KIF26B: variants seen among roughly 807,000 people sequenced by gnomAD.
The protein encoded by KIF26B is kinesin-like protein KIF26B.
Under a neutral mutation model 151.2 loss-of-function variants are expected in KIF26B, and 63 were observed. The ratio of observed to expected loss-of-function variants is 0.42; its 90% CI spans 0.34 to 0.51. The LOEUF (loss-of-function observed/expected upper bound fraction) is 0.51, where lower values mean the gene tolerates loss of function less well. Among genes scored for constraint, KIF26B ranks in the 20% least tolerant of loss-of-function variants. KIF26B has a pLI of 0.07. For missense variants in KIF26B, 2,813 were observed against 2,913.6 expected, an observed-to-expected ratio of 0.97 and a Z score of 0.79; for synonymous variants, 1,357 against 1,262.1, an observed-to-expected ratio of 1.08 and a Z score of -1.59.
intron 9 of KIF26B, among the ~76,000 whole-genome samples, chr1:245,644,948 A>C (rs985779978): frequency 2.6e-5 from 4 of 152,196 alleles, no homozygotes; most frequent in African/African-American, 9.6e-5. Context: ...GGACTCAGGA[A>C]GCTTACGATG....
chr1:245,208,541 G>A (rs1006759318), intron 2 of KIF26B, among the ~76,000 whole-genome samples: 8 of 152,202 alleles, frequency 5.3e-5, no homozygotes, highest in Non-Finnish European at 7.3e-5. Context: ...TGGCACAGCC[G>A]TGGGTACGTG....
At chr1:245,460,513 G>C (rs1229589866) in intron 4 of KIF26B, among the ~76,000 whole-genome samples, 1 of 152,110 alleles carries the variant, frequency 6.6e-6, no homozygotes, top group Non-Finnish European at 1.5e-5. Context: ...AGACCATATA[G>C]TTTAAAATAT....
chr1:245,271,129 A>G (rs541782674), intron 2 of KIF26B, among the ~76,000 whole-genome samples: 120 of 152,164 alleles, frequency 7.9e-4, no homozygotes, highest in Admixed American at 1.2e-3. Flanking sequence ...CTTTATGCCA[A>G]TGTCATACTG....
chr1:245,558,324 C>T (rs757214722), intron 5 of KIF26B, among the ~76,000 whole-genome samples: 3 of 152,194 alleles, frequency 2.0e-5, no homozygotes, highest in Admixed American at 6.5e-5. Context: ...CTGCTTCTCT[C>T]GCCTGCCCCC....
At chr1:245,270,192 T>C (rs1670827265) in intron 2 of KIF26B, among the ~76,000 whole-genome samples, 1 of 80,016 alleles carries the variant, frequency 1.2e-5, no homozygotes, top group African/African-American at 5.5e-5. Flanking sequence ...CCATTCCTTC[T>C]TCTTTTCCCT....
chr1:245,257,243 T>A (rs1203271724), intron 2 of KIF26B, among the ~76,000 whole-genome samples: 1 of 152,136 alleles, frequency 6.6e-6, no homozygotes, highest in Non-Finnish European at 1.5e-5. Context: ...GCAATGTACA[T>A]CTTACATGTA....
rs977434271 is a variant in KIF26B, at chr1:245,560,220, C to G, written c.1350+19270C>G. Among the ~76,000 whole-genome samples, 3 of 152,104 alleles carry G rather than the reference C, an allele frequency of 2.0e-5. No individual in the cohort carries two copies. The highest frequency in any genetic ancestry group is 4.4e-5 in the Non-Finnish European group (3 of 68,012). On this transcript the variant is annotated intron_variant, in intron 5 of 14. Transcript: ENST00000407071. The surrounding 1 kb of genome is among the most constrained non-coding windows in gnomAD (Gnocchi z 4.3). ...TTATTCATGTGGATACATAGATGCT[C>G]ATTCGCTTCAATTCATTGAACATCT...
At chr1:245,556,240 T>G (rs1231654026) in intron 5 of KIF26B, among the ~76,000 whole-genome samples, 1 of 149,730 alleles carries the variant, frequency 6.7e-6, no homozygotes, top group Admixed American at 6.7e-5. Context: ...TTCTTCTTCT[T>G]CCTCCTTCTT....
In KIF26B at chr1:245,602,873, C is replaced by A; in HGVS notation, c.1557+90C>A. The stretch of plus-strand genomic sequence containing the variant: ...AAGGGCCCTTGAGCTGGGAGGGTGT[C>A]TTCTGGAGCATTCTGATGGACCAGT... On this transcript the variant is annotated intron_variant, in intron 6 of 14. Transcript: ENST00000407071. The surrounding 1 kb of genome is among the most constrained non-coding windows in gnomAD (Gnocchi z 4.5). 8 of 1,183,948 alleles carry A rather than the reference C, an allele frequency of 6.8e-6. No individual in the cohort carries two copies. Among genetic ancestry groups the A allele is most frequent in the Non-Finnish European group, 1.0e-5 (8 of 798,142 alleles). The allele number at this position is 1,183,948 out of a possible 1,614,324, so 73.3% of individuals were successfully genotyped here.
At chr1:245,301,547 C>T (rs543442497) in intron 2 of KIF26B, among the ~76,000 whole-genome samples, 1 of 152,242 alleles carries the variant, frequency 6.6e-6, no homozygotes, top group Admixed American at 6.5e-5. Context: ...GGGTTGGACC[C>T]AGTAGGATTC....
intron 2 of KIF26B, among the ~76,000 whole-genome samples, chr1:245,350,582 A>G (rs1384433810): frequency 1.3e-5 from 2 of 149,208 alleles, no homozygotes; most frequent in Non-Finnish European, 2.9e-5. Context: ...GGTCTACCAT[A>G]TGACCTGGGA....
intron 4 of KIF26B, among the ~76,000 whole-genome samples, chr1:245,429,448 T>G (rs546040003): frequency 1.3e-5 from 2 of 152,160 alleles, no homozygotes; most frequent in Non-Finnish European, 2.9e-5. Context: ...TGAAGAGCAA[T>G]TCGCCCTTAA....
chr1:245,248,566 G>C (rs1670379765), intron 2 of KIF26B, among the ~76,000 whole-genome samples: 1 of 152,228 alleles, frequency 6.6e-6, no homozygotes. Flanking sequence ...ATGCTCTGCT[G>C]TGATGAAGAT....
At chr1:245,394,456 G>C (rs111453782) in intron 3 of KIF26B, among the ~76,000 whole-genome samples, 35,738 of 151,688 alleles carry the variant, frequency 0.24, 6,529 homozygotes, top group African/African-American at 0.51. Context: ...AATCCCATCT[G>C]TACTAAAAAT....
intron 2 of KIF26B, among the ~76,000 whole-genome samples, chr1:245,366,423 T>C (rs1451100599): frequency 6.6e-6 from 1 of 151,706 alleles, no homozygotes; most frequent in Non-Finnish European, 1.5e-5. Flanking sequence ...TCCCAGCTAT[T>C]TGGGAGGCTG....
At chr1:245,618,276 T>A (rs115880711) in intron 9 of KIF26B, among the ~76,000 whole-genome samples, 1 of 152,188 alleles carries the variant, frequency 6.6e-6, no homozygotes, top group Non-Finnish European at 1.5e-5. Flanking sequence ...CCAAGCCCTA[T>A]TGGACTATAG....
chr1:245,282,160 C>T (rs550563223), intron 2 of KIF26B, among the ~76,000 whole-genome samples: 461 of 152,026 alleles, frequency 3.0e-3, no homozygotes, highest in African/African-American at 0.011. Flanking sequence ...GTGAAAATGG[C>T]CATACTGCCC....
chr1:245,465,480 G>A (rs540265989), intron 4 of KIF26B, among the ~76,000 whole-genome samples: 2 of 152,248 alleles, frequency 1.3e-5, no homozygotes, highest in South Asian at 2.1e-4. Context: ...GCACGGCTTA[G>A]AGAGATTCTA....
chr1:245,447,955 T>C (rs1409628979), intron 4 of KIF26B, among the ~76,000 whole-genome samples: 2 of 152,224 alleles, frequency 1.3e-5, no homozygotes, highest in African/African-American at 4.8e-5. Context: ...GCCTCTTTAA[T>C]AAAGCTGTTT....
Sources: gnomAD v4.1 joint callset for allele counts (sites outside exome capture counted in the v4.1 genomes callset) on GRCh38, gnomAD v4.1.1 for gene constraint, Gnocchi (gnomAD v3.1) non-coding constraint, MANE v1.5 for transcripts, NCBI Gene and HGNC (gene_info 2026-07-23, HGNC 2026-07-21) for gene names.